PDK3: variants seen among roughly 807,000 people sequenced by gnomAD.
The protein encoded by PDK3 is pyruvate dehydrogenase kinase 3.
Under a neutral mutation model 32.0 loss-of-function variants are expected in PDK3, and 12 were observed. The ratio of observed to expected loss-of-function variants is 0.37; its 90% CI spans 0.24 to 0.61. The LOEUF (loss-of-function observed/expected upper bound fraction) is 0.61. Among genes scored for constraint, PDK3 ranks in the 20% least tolerant of loss-of-function variants. PDK3 has a pLI of 0.65. For synonymous variants in PDK3, 122 were observed against 116.3 expected (o/e 1.05, Z -0.31); for missense variants, 188 against 316.9 (o/e 0.59, Z 3.09).
chrX:24,529,146 A>G (rs189296434), intron 9 of PDK3, among the ~76,000 whole-genome samples: 6 of 111,803 alleles, frequency 5.4e-5, no homozygotes, highest in Non-Finnish European at 1.1e-4. Context: ...TCTGGCATGC[A>G]CTTAAATACA....
At chrX:24,465,885 G>T (rs867537619) in intron 1 of PDK3, among the ~76,000 whole-genome samples, 1 of 111,784 alleles carries the variant, frequency 8.9e-6, no homozygotes. Context: ...TTCAGAACGA[G>T]ATGTGGGTGG....
chrX:24,501,451 C>T (rs1455602421), intron 3 of PDK3, among the ~76,000 whole-genome samples: 1 of 112,911 alleles, frequency 8.9e-6, no homozygotes, highest in Non-Finnish European at 1.9e-5. Flanking sequence ...TGGTGGCCGA[C>T]GCCTGTAATC....
intron 1 of PDK3, among the ~76,000 whole-genome samples, chrX:24,470,687 C>CAA (rs58511156): frequency 5.2e-3 from 134 of 25,537 alleles, no homozygotes; most frequent in African/African-American, 7.5e-3. Flanking sequence ...AACGGCATCT[C>CAA]AAAAAAAAAA....
Position 24,501,611 on chromosome X carries a change from A to G in PDK3, c.321-1716A>G, listed in dbSNP as rs375026400. 1.1e-4 allele frequency among the ~76,000 whole-genome samples: 12 copies of G among 112,344 alleles called. 1 individual carries two copies. The East Asian group carries it at 3.1e-3, about 29-fold the overall frequency. On this transcript the variant is annotated intron_variant, in intron 3 of 10. Coordinates refer to ENST00000379162, the MANE Select transcript of PDK3 (RefSeq NM_005391.5). ...CACCTGTAATCCCAGGTACTTTGGG[A>G]GGCTGCAGGAGAATTGCCTAAACGC...
chrX:24,510,092 G>A (rs1169473632), intron 5 of PDK3, among the ~76,000 whole-genome samples: 1 of 111,779 alleles, frequency 8.9e-6, no homozygotes. Flanking sequence ...ATCTTACCTG[G>A]AATTTATACC....
intron 1 of PDK3, among the ~76,000 whole-genome samples, chrX:24,490,401 G>A (rs185666812): frequency 6.9e-5 from 7 of 101,387 alleles, no homozygotes; most frequent in Middle Eastern, 5.0e-3. Flanking sequence ...TGAAGCTTGT[G>A]AATGCTCTAG....
chrX:24,495,038 G>GT (rs1269862509), intron 2 of PDK3, among the ~76,000 whole-genome samples, 155 bp downstream of exon 2: 3 of 111,670 alleles, frequency 2.7e-5, no homozygotes, highest in Non-Finnish European at 3.8e-5. Flanking sequence ...AAGTTGTTTT[G>GT]TTTTTTTTCT....
chrX:24,522,905 CAA>C (rs778995966), intron 6 of PDK3, among the ~76,000 whole-genome samples: 1 of 83,630 alleles, frequency 1.2e-5, no homozygotes, highest in Non-Finnish European at 2.4e-5. Flanking sequence ...GACTCCATCT[CAA>C]AAAAAAAAAA....
intron 1 of PDK3, among the ~76,000 whole-genome samples, chrX:24,475,378 C>T (rs769690695): frequency 3.0e-4 from 33 of 111,152 alleles, no homozygotes; most frequent in African/African-American, 9.8e-4. Context: ...AGAATTGGTC[C>T]AGGCACTGTG....
chrX:24,492,250 G>A (rs1454441219), intron 1 of PDK3, among the ~76,000 whole-genome samples: 1 of 111,765 alleles, frequency 8.9e-6, no homozygotes. Context: ...TTACAGTGGG[G>A]TTACATCCTG....
At chrX:24,484,045 T>C (rs1921333348) in intron 1 of PDK3, among the ~76,000 whole-genome samples, 1 of 104,623 alleles carries the variant, frequency 9.6e-6, no homozygotes, top group African/African-American at 3.6e-5. Flanking sequence ...AAAGTCTCAC[T>C]GTGTCGCCCA....
At chrX:24,519,156 A>G in intron 6 of PDK3, 146 bp downstream of exon 6, 1 of 423,900 alleles carries the variant, frequency 2.4e-6, no homozygotes, top group East Asian at 4.0e-5. Context: ...CTTTTGGTCA[A>G]CCAGATATAT....
exon 12 of PDK3, among the ~76,000 whole-genome samples, chrX:24,545,215 T>A (rs887743669): frequency 8.9e-6 from 1 of 112,240 alleles, no homozygotes; most frequent in Non-Finnish European, 1.9e-5. Context: ...CTGAGGGGGT[T>A]AACATCTCTG....
intron 1 of PDK3, among the ~76,000 whole-genome samples, chrX:24,486,110 A>G (rs778238472): frequency 4.6e-4 from 51 of 111,896 alleles, no homozygotes; most frequent in Non-Finnish European, 2.4e-4. Context: ...GCAGGAGTCG[A>G]AATTTCCTTC....
At chrX:24,488,505 A>G (rs960834160) in intron 1 of PDK3, among the ~76,000 whole-genome samples, 1 of 111,750 alleles carries the variant, frequency 8.9e-6, no homozygotes, top group African/African-American at 3.3e-5. Context: ...CCTGGCCAAC[A>G]TGGTGAAACC....
At chrX:24,542,614 G>A (rs1922915241) in exon 12 of PDK3, among the ~76,000 whole-genome samples, 1 of 112,544 alleles carries the variant, frequency 8.9e-6, no homozygotes, top group Non-Finnish European at 1.9e-5. Flanking sequence ...GGTTTCTTTT[G>A]TGTGTTTCCA....
At chrX:24,469,421 T>A (rs914148829) in intron 1 of PDK3, among the ~76,000 whole-genome samples, 1 of 109,979 alleles carries the variant, frequency 9.1e-6, no homozygotes. Context: ...AAAAAAAAAA[T>A]GATATATCTA....
intron 1 of PDK3, among the ~76,000 whole-genome samples, chrX:24,482,677 G>A (rs184821781): frequency 8.9e-6 from 1 of 112,122 alleles, no homozygotes; most frequent in African/African-American, 3.2e-5. Flanking sequence ...AGAACTATCA[G>A]ATTGATACCT....
At chrX:24,496,937 A>G (rs1298162752) in intron 2 of PDK3, among the ~76,000 whole-genome samples, 1 of 106,699 alleles carries the variant, frequency 9.4e-6, no homozygotes, top group Non-Finnish European at 1.9e-5. Flanking sequence ...GCCCGCCACC[A>G]TGCCCTGCTA....
Sources: allele counts gnomAD v4.1 joint callset (sites outside exome capture counted in the v4.1 genomes callset), GRCh38; gene constraint gnomAD v4.1.1; transcripts MANE v1.5; gene names NCBI Gene and HGNC (gene_info 2026-07-23, HGNC 2026-07-21).